Variants in ABCC1 observed in about 807,000 individuals in gnomAD.
ABCC1 encodes ATP binding cassette subfamily C member 1 (ABCC1 blood group).
Under a neutral mutation model 172.9 loss-of-function variants are expected in ABCC1, and 83 were observed. That is an observed-to-expected ratio of 0.48 (90% CI 0.40 to 0.58). ABCC1 has a LOEUF of 0.58. Among genes scored for constraint, ABCC1 ranks in the 20% least tolerant of loss-of-function variants. The probability of loss-of-function intolerance (pLI) is 0.00; values close to 1 mark genes in which losing one functional copy is unlikely to be tolerated. For missense variants in ABCC1, 1,817 were observed against 2,002.7 expected, an observed-to-expected ratio of 0.91 and a Z score of 1.77; for synonymous variants, 937 against 825.2, an observed-to-expected ratio of 1.14 and a Z score of -2.32.
chr16:16,073,540 A>T (rs561777906), intron 14 of ABCC1, among the ~76,000 whole-genome samples: 1 of 152,274 alleles, frequency 6.6e-6, no homozygotes, highest in Admixed American at 6.5e-5. Context: ...AGGCTGGAGG[A>T]TTGCTTGAGG....
chr16:15,953,685 T>C (rs215106), intron 1 of ABCC1, among the ~76,000 whole-genome samples: 18,973 of 152,188 alleles, frequency 0.12, 1,621 homozygotes, highest in East Asian at 0.38. Flanking sequence ...AGAAGGAAGC[T>C]GCAGGTGTGT....
intron 12 of ABCC1, among the ~76,000 whole-genome samples, chr16:16,060,404 G>A (rs2049860521): frequency 6.6e-6 from 1 of 152,164 alleles, no homozygotes; most frequent in Non-Finnish European, 1.5e-5. Context: ...TTGCCCTTCT[G>A]TAACTCCATG....
At chr16:16,031,217 C>A (rs1446731808) in intron 5 of ABCC1, among the ~76,000 whole-genome samples, 1 of 152,184 alleles carries the variant, frequency 6.6e-6, no homozygotes, top group African/African-American at 2.4e-5. Context: ...AGTATGCCAC[C>A]TTATCGGGCT....
Position 16,045,863 on chromosome 16 carries a change from G to T in ABCC1, c.1068G>T (p.Thr356=), listed in dbSNP as rs8187853. The change falls in exon 9 of 31, where the codon ACG becomes ACT. Residue 356 remains threonine, a synonymous_variant. Transcript: ENST00000399410. ...LKLLIKFVND[T]KAPDWQGYFY... Reference sequence around the variant, plus strand: ...TGCTCATCAAGTTCGTGAATGACACGAAGGCCCCAGACTGGCAGGGCTACT... The same window carrying T: ...TGCTCATCAAGTTCGTGAATGACACTAAGGCCCCAGACTGGCAGGGCTACT... The T allele has an allele frequency of 1.2e-6, 2 of 1,614,128 alleles. No homozygotes were observed. Among genetic ancestry groups the T allele is most frequent in the Non-Finnish European group, 1.7e-6 (2 of 1,180,020 alleles).
intron 21 of ABCC1, among the ~76,000 whole-genome samples, chr16:16,108,845 G>A (rs547012376): frequency 1.7e-4 from 26 of 151,658 alleles, no homozygotes; most frequent in African/African-American, 5.8e-4. Context: ...TGACTGGCCC[G>A]CCTCCCAAAG....
At chr16:16,139,377 C>T (rs902403494) in intron 30 of ABCC1, among the ~76,000 whole-genome samples, 10 of 151,718 alleles carry the variant, frequency 6.6e-5, no homozygotes, top group South Asian at 2.1e-4. Context: ...TTTGGGAGGC[C>T]GAGGCAGGCA....
chr16:16,012,444 G>A (rs1185152339), intron 3 of ABCC1, among the ~76,000 whole-genome samples: 1 of 151,888 alleles, frequency 6.6e-6, no homozygotes, highest in African/African-American at 2.4e-5. Flanking sequence ...CCTGAATTCG[G>A]GTCTTGGGCT....
chr16:16,014,662 G>C, intron 4 of ABCC1, 34 bp downstream of exon 4: 1 of 1,610,894 alleles, frequency 6.2e-7, no homozygotes, highest in Non-Finnish European at 8.5e-7. Flanking sequence ...TCTTCCTTCA[G>C]TGGACCCGGA....
rs1320458551 is a variant in ABCC1, at chr16:16,076,343, A to G, written c.1930A>G (p.Ile644Val). The change falls in exon 15 of 31, where the codon ATC becomes GTC. Residue 644 changes from isoleucine to valine, a missense_variant. Physicochemically the swap from Ile to Val is conservative, Grantham distance 29. This residue lies in a region of ABCC1 where 1,412 missense variants were observed against 1,600.3 expected (regional missense o/e 0.88). Coordinates refer to ENST00000399410, the MANE Select transcript of ABCC1 (RefSeq NM_004996.4). ...PVKDGGGTNS[I>V]TVRNATFTWA... is the part of the protein sequence containing the mutation. Reference sequence around the variant, plus strand: ...CTTTGTAGGCGGGGGCACGAACAGCATCACCGTGAGGAATGCCACATTCAC... The same window carrying G: ...CTTTGTAGGCGGGGGCACGAACAGCGTCACCGTGAGGAATGCCACATTCAC... The G allele has an allele frequency of 1.9e-6, 3 of 1,612,516 alleles. No homozygotes were observed. Among genetic ancestry groups the G allele is most frequent in the African/African-American group, 1.3e-5 (1 of 74,974 alleles).
chr16:16,076,154 C>CG (rs2050556320), intron 14 of ABCC1, 172 bp from the exon 15 acceptor site: 2 of 629,586 alleles, frequency 3.2e-6, no homozygotes. Context: ...TCCAGAACTG[C>CG]AGGTTGAGTT....
intron 3 of ABCC1, among the ~76,000 whole-genome samples, chr16:16,012,422 G>C (rs754434070): frequency 5.3e-5 from 8 of 152,208 alleles, no homozygotes; most frequent in Non-Finnish European, 8.8e-5. Context: ...AGAGTAAAGG[G>C]CTTTGCTTTG....
chr16:15,957,336 T>G (rs2046021732), intron 1 of ABCC1, among the ~76,000 whole-genome samples: 1 of 151,040 alleles, frequency 6.6e-6, no homozygotes, highest in Admixed American at 6.6e-5. Context: ...TCTGCCTGCC[T>G]TGGCCTCCCA....
At chr16:15,994,676 A>G (rs1299589718) in intron 1 of ABCC1, among the ~76,000 whole-genome samples, 1 of 152,138 alleles carries the variant, frequency 6.6e-6, no homozygotes, top group Non-Finnish European at 1.5e-5. Flanking sequence ...AGTACGAAAG[A>G]TAATACAACA....
intron 1 of ABCC1, among the ~76,000 whole-genome samples, chr16:15,978,674 C>T (rs778049098): frequency 2.3e-4 from 35 of 152,034 alleles, no homozygotes; most frequent in Non-Finnish European, 3.2e-4. Context: ...ATGGGTGGGC[C>T]GGTGGTTGGG....
At chr16:16,039,217 GTGTGTGTGTGTGTGTGTATGTA>G (rs1453465955) in intron 7 of ABCC1, among the ~76,000 whole-genome samples, 13 of 137,054 alleles carry the variant, frequency 9.5e-5, no homozygotes, top group South Asian at 6.8e-4. Flanking sequence ...TTTTGTGTGT[GTGTGTGTGTGTGTGTGTATGTA>G]TGTGTGTGTG....
chr16:15,995,900 C>A (rs2047038184), intron 1 of ABCC1, among the ~76,000 whole-genome samples: 1 of 151,946 alleles, frequency 6.6e-6, no homozygotes, highest in Non-Finnish European at 1.5e-5. Flanking sequence ...GTCTCGAACT[C>A]CTGGGCTCAA....
intron 20 of ABCC1, chr16:16,106,408 T>G (rs572362323): frequency 7.0e-5 from 8 of 114,024 alleles, no homozygotes; most frequent in Middle Eastern, 3.0e-3. Context: ...GAATTCTAAT[T>G]GATCTCAGAA....
chr16:16,062,619 G>A (rs942954001), intron 12 of ABCC1, among the ~76,000 whole-genome samples: 1 of 152,224 alleles, frequency 6.6e-6, no homozygotes, highest in African/African-American at 2.4e-5. Context: ...GGGCCTGGGT[G>A]TCAGCTGGGG....
intron 1 of ABCC1, among the ~76,000 whole-genome samples, chr16:15,967,295 A>G (rs966534730): frequency 6.6e-6 from 1 of 152,032 alleles, no homozygotes; most frequent in East Asian, 1.9e-4. Flanking sequence ...AGTATAGACG[A>G]TTCAGGTTAA....
Sources: allele counts gnomAD v4.1 joint callset (sites outside exome capture counted in the v4.1 genomes callset), GRCh38; gene constraint gnomAD v4.1.1; regional missense constraint gnomAD v4.1.1; transcripts MANE v1.5; gene names NCBI Gene and HGNC (gene_info 2026-07-23, HGNC 2026-07-21).